POM121: variants seen among roughly 807,000 people sequenced by gnomAD.
POM121 encodes the protein POM121 transmembrane nucleoporin, also known as nuclear envelope pore membrane protein POM 121.
POM121 carries 32 observed loss-of-function variants against 81.3 expected under a neutral mutation model. That is an observed-to-expected ratio of 0.39 (90% confidence interval 0.30 to 0.53). The LOEUF (loss-of-function observed/expected upper bound fraction) is 0.53. Ranked by LOEUF, POM121 falls within the 20% of genes least tolerant of loss-of-function variation. POM121 has a pLI of 0.66. For synonymous variants in POM121, 514 were observed against 694.2 expected, an observed-to-expected ratio of 0.74 and a Z score of 4.08; for missense variants, 1,138 against 1,614.6, an observed-to-expected ratio of 0.70 and a Z score of 5.06.
intron 3 of POM121, among the ~76,000 whole-genome samples, chr7:72,893,443 G>A (rs1450612764): frequency 6.6e-6 from 1 of 151,984 alleles, no homozygotes; most frequent in African/African-American, 2.4e-5. Flanking sequence ...AATTAGCCGG[G>A]CGTGGTGGCG....
chr7:72,926,205 A>G, intron 1 of POM121, 57 bp from the exon 2 acceptor site: 1 of 1,500,738 alleles, frequency 6.7e-7, no homozygotes, highest in East Asian at 2.5e-5. Context: ...TTAACCGTTT[A>G]AAAATTTGAC....
upstream of POM121, chr7:72,924,739 G>A (rs185443440): frequency 3.4e-5 from 7 of 204,604 alleles, no homozygotes; most frequent in East Asian, 5.9e-4. Context: ...AGAAATGGAG[G>A]GGGGAGGGAC....
At chr7:72,916,745 T>C (rs1794324861) in intron 4 of POM121, among the ~76,000 whole-genome samples, 2 of 152,220 alleles carry the variant, frequency 1.3e-5, no homozygotes, top group Non-Finnish European at 2.9e-5. Context: ...ACTCTGTAAA[T>C]TATTTTGGGT....
At position 72,919,211 on chromosome 7, in the gene POM121, T is replaced by C. The variant is rs1312044235; in HGVS notation, c.-152+5383T>C. Among the ~76,000 whole-genome samples the C allele has an allele frequency of 2.6e-5, 4 of 151,046 alleles. No individual in the cohort carries two copies. The East Asian group carries it at 5.8e-4, about 22-fold the overall frequency. The stretch of plus-strand genomic sequence containing the variant: ...GTAAGCCACCATGCCCAGCCTTTTT[T>C]TTTTTTTTTTTTTTTTAATATGTTT... On this transcript the variant is annotated intron_variant, in intron 4 of 15. Transcript: ENST00000395270.
At chr7:72,892,448 T>C (rs1791393253) in intron 3 of POM121, among the ~76,000 whole-genome samples, 1 of 152,214 alleles carries the variant, frequency 6.6e-6, no homozygotes, top group African/African-American at 2.4e-5. Context: ...TTTGTGTTCT[T>C]TGTCTTCTGT....
At chr7:72,927,777 G>A (rs1554497838) in intron 3 of POM121, among the ~76,000 whole-genome samples, 4 of 152,122 alleles carry the variant, frequency 2.6e-5, no homozygotes, top group Non-Finnish European at 5.9e-5. Flanking sequence ...AGTTTTCTAA[G>A]TATAGAAAGA....
Position 72,897,732 on chromosome 7 carries a change from C to T in POM121, c.-216+6622C>T, listed in dbSNP as rs1317971963. ...TCACATGCAGGATGTATTTTGAAAG[C>T]AGACCTGGCCAGGTGTGGTGGCTCA... On this transcript the variant is annotated intron_variant, in intron 3 of 15. Transcript: ENST00000395270. Among the ~76,000 whole-genome samples the T allele has an allele frequency of 5.9e-5, 9 of 152,182 alleles. No individual in the cohort carries two copies. In the South Asian group the frequency reaches 1.5e-3, roughly 25 times the overall value.
intron 2 of POM121, 146 bp downstream of exon 2, chr7:72,926,623 T>G (rs1795474349): frequency 2.0e-6 from 3 of 1,485,922 alleles, no homozygotes; most frequent in Non-Finnish European, 9.1e-7. Flanking sequence ...TAAACCCTTT[T>G]GTTTTTCACT....
rs1795336075 is a variant in POM121, at chr7:72,925,626, C to G, written c.505C>G (p.Arg169Gly). Residue 169 changes from arginine to glycine, a missense_variant, in exon 1 of 13, where the codon CGC becomes GGC. Physicochemically the swap from Arg to Gly is moderately radical, Grantham distance 125. Transcript: ENST00000434423. ...TAGGCCTGGCCGCCGCCCACCTGCC[C>G]GCCCGGCGCCGCGCTCCCCACCGCC... ...RDRPGRRPPA[R>G]PAPRSPPPRS... The G allele has an allele frequency of 7.7e-7, 1 of 1,300,278 alleles. No individual in the cohort carries two copies. The highest frequency in any genetic ancestry group is 9.7e-7 in the Non-Finnish European group (1 of 1,034,616). 80.5% of individuals were successfully genotyped at this position (1,300,278 alleles called of 1,614,324 possible).
rs1349655392 is a variant in POM121, at chr7:72,899,601, C to A, written c.-216+8491C>A. On this transcript the variant is annotated intron_variant, in intron 3 of 15. Transcript: ENST00000395270. ...TTTTTTTTTTTTTTTTTTTTTGAGA[C>A]AGAATCTCGCTCTGTCGCCCAGGCT... is the stretch of plus-strand genomic sequence containing the variant. Among the ~76,000 whole-genome samples, 7 of 130,534 alleles carry A rather than the reference C, an allele frequency of 5.4e-5. No individual in the cohort carries two copies. The Admixed American group carries it at 6.1e-4, about 11-fold the overall frequency. 85.6% of individuals were successfully genotyped at this position (130,534 alleles called of 152,430 possible).
chr7:72,932,706 C>T (rs142219588), intron 5 of POM121, among the ~76,000 whole-genome samples: 1,798 of 152,270 alleles, frequency 0.012, 18 homozygotes, highest in Middle Eastern at 0.027. Flanking sequence ...CATGGCCTCA[C>T]CAGCAGATTT....
In POM121 at chr7:72,894,543, A is replaced by T. The variant is rs568136120; in HGVS notation, c.-216+3433A>T. On this transcript the variant is annotated intron_variant, in intron 3 of 15. Coordinates refer to the POM121 transcript ENST00000395270. ...CAGTGAGCTGAGATCGTGCCATTGC[A>T]CTCCAGCCTGGGCAACAAGAGTGAA... Among the ~76,000 whole-genome samples the T allele has an allele frequency of 2.7e-5, 4 of 150,732 alleles. No homozygotes were observed. In the East Asian group the frequency reaches 7.9e-4, roughly 30 times the overall value.
chr7:72,894,421 T>C (rs1791643982), intron 3 of POM121, among the ~76,000 whole-genome samples: 1 of 151,546 alleles, frequency 6.6e-6, no homozygotes, highest in Non-Finnish European at 1.5e-5. Context: ...CTACTAAATA[T>C]ACAAAAATTA....
chr7:72,931,987 C>G (rs2530492), intron 5 of POM121, among the ~76,000 whole-genome samples: 102,512 of 147,640 alleles, frequency 0.69, 35,907 homozygotes, highest in East Asian at 0.75. Flanking sequence ...GTGAATGCTA[C>G]GGACATGTAA....
chr7:72,930,894 A>G (rs1198752797), intron 5 of POM121, among the ~76,000 whole-genome samples: 6 of 152,146 alleles, frequency 3.9e-5, no homozygotes, highest in Non-Finnish European at 8.8e-5. Flanking sequence ...AGACAATCAC[A>G]TAACATCTCT....
At chr7:72,890,837 A>T in intron 2 of POM121, 2 of 1,460,054 alleles carry the variant, frequency 1.4e-6, no homozygotes, top group Non-Finnish European at 1.9e-6. Context: ...AACACCATTT[A>T]ATTCCTTGTG....
intron 5 of POM121, among the ~76,000 whole-genome samples, chr7:72,937,347 A>G (rs1299295911): frequency 6.6e-6 from 1 of 151,870 alleles, no homozygotes; most frequent in Admixed American, 6.6e-5. Flanking sequence ...TGCCGCTTAT[A>G]TATTCAATCC....
At position 72,942,236 on chromosome 7, in the gene POM121, C is replaced by G; in HGVS notation, c.2243C>G (p.Pro748Arg). The change falls in exon 11 of 13, where the codon CCT (proline) becomes CGT (arginine). Residue 748 changes from proline (P) to arginine (R), a missense_variant. Coordinates refer to ENST00000434423, the MANE Select transcript of POM121 (RefSeq NM_001387691.1). The stretch of plus-strand genomic sequence containing the variant: ...AAGGAAGGCCCCACACCGCCTGGCC[C>G]TTCAGTCACAGCCACAGCGCCCTCC... ...SEKEGPTPPG[P>R]SVTATAPSSS... 1 of 1,609,222 alleles carries G rather than the reference C, an allele frequency of 6.2e-7. No homozygotes were observed. The highest frequency in any genetic ancestry group is 8.5e-7 in the Non-Finnish European group (1 of 1,179,686).
intron 11 of POM121, among the ~76,000 whole-genome samples, chr7:72,944,164 C>T (rs1290094340): frequency 2.0e-5 from 3 of 152,012 alleles, no homozygotes; most frequent in Admixed American, 6.6e-5. Context: ...AAGAGCAGAA[C>T]AAAGACAAGC....
Sources: allele counts gnomAD v4.1 joint callset (sites outside exome capture counted in the v4.1 genomes callset), GRCh38; gene constraint gnomAD v4.1.1; transcripts MANE v1.5; gene names NCBI Gene and HGNC (gene_info 2026-07-23, HGNC 2026-07-21).